Variants in SCFD1 observed in about 807,000 individuals in gnomAD.
The protein encoded by SCFD1 is sec1 family domain containing 1.
Under a neutral mutation model 103.2 loss-of-function variants are expected in SCFD1, and 37 were observed. The observed-to-expected ratio is 0.36, with a 90% CI of 0.28 to 0.47. The LOEUF (loss-of-function observed/expected upper bound fraction) is 0.47, where lower values mean the gene tolerates loss of function less well. Among genes scored for constraint, SCFD1 ranks in the 20% least tolerant of loss-of-function variants. The pLI is 1.00. For missense variants in SCFD1, 639 were observed against 761.2 expected, an observed-to-expected ratio of 0.84 and a Z score of 1.89; for synonymous variants, 264 against 245.0, an observed-to-expected ratio of 1.08 and a Z score of -0.73.
At chr14:30,624,970 A>C (rs376206545) in intron 1 of SCFD1, among the ~76,000 whole-genome samples, 1 of 152,146 alleles carries the variant, frequency 6.6e-6, no homozygotes, top group South Asian at 2.1e-4. Context: ...CCTTCTCAGG[A>C]GGCTTTCCCC....
At chr14:30,662,892 G>A (rs1434002398) in intron 10 of SCFD1, among the ~76,000 whole-genome samples, 3 of 152,080 alleles carry the variant, frequency 2.0e-5, no homozygotes, top group African/African-American at 7.2e-5. Context: ...GTGATTTGGG[G>A]CACCTTTGTC....
intron 18 of SCFD1, among the ~76,000 whole-genome samples, chr14:30,707,086 G>C (rs532251437): frequency 6.6e-5 from 10 of 152,110 alleles, no homozygotes; most frequent in Non-Finnish European, 1.3e-4. Context: ...AATATTTTTG[G>C]AAAATTACTT....
chr14:30,659,211 A>G (rs1887207909), intron 10 of SCFD1, among the ~76,000 whole-genome samples: 1 of 146,820 alleles, frequency 6.8e-6, no homozygotes, highest in African/African-American at 2.5e-5. Flanking sequence ...CTAGTTGTAT[A>G]ACATTTGTCT....
In SCFD1 at chr14:30,703,941, ATATATATATATATATATATATAAAT is replaced by A. The variant is rs1566645873; in HGVS notation, c.1490+1567_1490+1591del. 3.2e-4 allele frequency among the ~76,000 whole-genome samples: 19 copies of A among 59,898 alleles called. No individual in the cohort carries two copies. The South Asian group carries it at 3.6e-3, about 11-fold the overall frequency. 39.3% of individuals were successfully genotyped at this position (59,898 alleles called of 152,430 possible). A position where few individuals can be genotyped will look rare whatever the true frequency, so the allele number is the denominator to read the frequency against. On this transcript the variant is annotated intron_variant, in intron 17 of 24. Transcript: ENST00000458591. ...TATATATATATATATATATATATAT[ATATATATATATATATATATATAAAT>A]AATGAGATATCTTGGGGATGGGACC...
intron 15 of SCFD1, among the ~76,000 whole-genome samples, chr14:30,699,188 A>AT (rs1890905635): frequency 2.0e-5 from 3 of 152,176 alleles, no homozygotes; most frequent in African/African-American, 7.2e-5. Context: ...AGAACTTACC[A>AT]TTATCTTTAT....
At chr14:30,660,783 A>G (rs577294204) in intron 10 of SCFD1, among the ~76,000 whole-genome samples, 16 of 152,200 alleles carry the variant, frequency 1.1e-4, no homozygotes, top group African/African-American at 3.4e-4. Context: ...TTTTTACACT[A>G]TTACAGTTGT....
chr14:30,640,151 A>G (rs540784175), intron 6 of SCFD1, among the ~76,000 whole-genome samples: 3 of 152,316 alleles, frequency 2.0e-5, no homozygotes, highest in Admixed American at 6.5e-5. Flanking sequence ...AAGTAAGACA[A>G]TATTTTAGTA....
rs116352273 is a variant in SCFD1, at chr14:30,709,472, A to G, written c.1629+1407A>G. ...GGTCTTGAACTCCTGGGCTCAAGTG[A>G]TCTTCCCACCTCAGCCTCTCAAGTG... On this transcript the variant is annotated intron_variant, in intron 19 of 24. Coordinates refer to ENST00000458591, the MANE Select transcript of SCFD1 (RefSeq NM_016106.4). Among the ~76,000 whole-genome samples the G allele has an allele frequency of 3.4e-3, 515 of 152,062 alleles. 6 individuals carry two copies. The highest frequency in any genetic ancestry group is 0.011 in the African/African-American group (476 of 41,464).
intron 10 of SCFD1, among the ~76,000 whole-genome samples, chr14:30,655,641 G>A (rs1886828517): frequency 6.6e-6 from 1 of 152,212 alleles, no homozygotes. Flanking sequence ...GGTAAGGGCT[G>A]TGTTTTTTAT....
chr14:30,670,366 T>C lies in SCFD1; in HGVS notation c.966T>C (p.Val322=), dbSNP rs1888423805. 1 of 1,569,994 alleles carries C rather than the reference T, an allele frequency of 6.4e-7. No homozygotes were observed. Among genetic ancestry groups the C allele is most frequent in the African/African-American group, 1.4e-5 (1 of 72,100 alleles). ...KNKKSYDLTP[V]DKFWQKHKGS... ...AGAAGTCTTATGATTTAACTCCGGT[T>C]GATAAATTTTGGCAAAAACATAAAG... Residue 322 remains valine, a synonymous_variant, in exon 11 of 25, where the codon GTT becomes GTC. Transcript: ENST00000458591.
chr14:30,654,140 C>A (rs79327828), intron 10 of SCFD1, among the ~76,000 whole-genome samples: 38 of 152,112 alleles, frequency 2.5e-4, no homozygotes, highest in Non-Finnish European at 1.5e-5. Context: ...TGATAAAACA[C>A]GGCTTCAGTC....
intron 6 of SCFD1, 52 bp from the exon 7 acceptor site, chr14:30,643,264 G>A (rs868545663): frequency 1.5e-5 from 16 of 1,055,532 alleles, no homozygotes; most frequent in Middle Eastern, 2.0e-4. Flanking sequence ...GTTTTAGAAA[G>A]ATGAGGCATA....
chr14:30,690,753 G>A (rs1008029691), intron 14 of SCFD1, among the ~76,000 whole-genome samples: 3 of 151,768 alleles, frequency 2.0e-5, no homozygotes, highest in Non-Finnish European at 4.4e-5. Context: ...AGATGGAAAT[G>A]CAGAAATCAC....
chr14:30,659,464 A>C (rs1347939287), intron 10 of SCFD1, among the ~76,000 whole-genome samples: 3 of 152,174 alleles, frequency 2.0e-5, no homozygotes, highest in African/African-American at 7.2e-5. Flanking sequence ...GGACAGTGCA[A>C]TTCTAAATCA....
At chr14:30,694,153 A>C (rs1397531122) in intron 14 of SCFD1, among the ~76,000 whole-genome samples, 2 of 152,228 alleles carry the variant, frequency 1.3e-5, no homozygotes, top group Non-Finnish European at 2.9e-5. Flanking sequence ...TAAAATAGTA[A>C]ACATAACTTG....
chr14:30,690,732 C>T (rs996189372), intron 14 of SCFD1, among the ~76,000 whole-genome samples: 1 of 150,492 alleles, frequency 6.6e-6, no homozygotes, highest in African/African-American at 2.5e-5. Context: ...GTGAGATGAA[C>T]CCGGTACTTC....
intron 3 of SCFD1, among the ~76,000 whole-genome samples, chr14:30,632,046 GAAAAAAAAAAAAAAAAA>G (rs61645782): frequency 1.4e-5 from 1 of 70,266 alleles, no homozygotes; most frequent in East Asian, 4.2e-4. Context: ...AGATTCTGTT[GAAAAAAAAAAAAAAAAA>G]AAAAAAAAGA....
At chr14:30,659,772 T>G (rs1887266771) in intron 10 of SCFD1, among the ~76,000 whole-genome samples, 1 of 152,210 alleles carries the variant, frequency 6.6e-6, no homozygotes, top group South Asian at 2.1e-4. Context: ...TAAAGATTTT[T>G]TTTTCTTGGT....
intron 1 of SCFD1, among the ~76,000 whole-genome samples, chr14:30,626,232 G>A (rs1187065493): frequency 6.6e-6 from 1 of 151,988 alleles, no homozygotes; most frequent in African/African-American, 2.4e-5. Flanking sequence ...GGCCTCTGAA[G>A]TAGGTAATAT....
Sources: gnomAD v4.1 joint callset for allele counts (sites outside exome capture counted in the v4.1 genomes callset) on GRCh38, gnomAD v4.1.1 for gene constraint, MANE v1.5 for transcripts, NCBI Gene and HGNC (gene_info 2026-07-23, HGNC 2026-07-21) for gene names.